Variants in NPIPB11 observed in about 807,000 individuals in gnomAD.
The protein encoded by NPIPB11 is nuclear pore complex interacting protein family member B11, also known as nuclear pore complex-interacting protein family member B11.
Under a neutral mutation model 32.8 loss-of-function variants are expected in NPIPB11, and 17 were observed. That is an observed-to-expected ratio of 0.52 (90% CI 0.35 to 0.78). The LOEUF is 0.78. NPIPB11 is among the 30% of genes least tolerant of loss of function. NPIPB11 has a pLI of 0.01. For missense variants in NPIPB11, 537 were observed against 1,000.4 expected, an observed-to-expected ratio of 0.54 and a Z score of 6.25; for synonymous variants, 209 against 398.4, an observed-to-expected ratio of 0.52 and a Z score of 5.66.
At chr16:29,399,165 T>C (rs989910633) in intron 2 of NPIPB11, among the ~76,000 whole-genome samples, 2 of 152,088 alleles carry the variant, frequency 1.3e-5, no homozygotes, top group Non-Finnish European at 2.9e-5. Context: ...AGACCCCCAC[T>C]GTCCATCACC....
intron 3 of NPIPB11, among the ~76,000 whole-genome samples, chr16:29,391,902 G>A (rs1256380428): frequency 6.6e-6 from 1 of 151,870 alleles, no homozygotes; most frequent in Non-Finnish European, 1.5e-5. Flanking sequence ...TGTCTTTTTA[G>A]TAGAGATGGG....
At chr16:29,394,416 T>TA (rs146216029) in intron 2 of NPIPB11, among the ~76,000 whole-genome samples, 10 of 140,390 alleles carry the variant, frequency 7.1e-5, no homozygotes, top group Admixed American at 1.5e-4. Context: ...GCTGATGATC[T>TA]AAAAAAAAAC....
At position 29,392,152 on chromosome 16, in the gene NPIPB11, G is replaced by A. The variant is rs62035600; in HGVS notation, c.249+1796C>T. Among the ~76,000 whole-genome samples, 70 of 151,976 alleles carry A rather than the reference G, an allele frequency of 4.6e-4. 1 individual carries two copies. The highest frequency in any genetic ancestry group is 9.8e-4 in the Admixed American group (15 of 15,260). On this transcript the variant is annotated intron_variant, in intron 3 of 7. Transcript: ENST00000524087. ...CTAAAAAGATGAAAAGAGCAACCACGTCAATCCCACAGCTACTGCTAGATT... is the reference window on the plus strand; with the variant it reads ...CTAAAAAGATGAAAAGAGCAACCACATCAATCCCACAGCTACTGCTAGATT...
intron 5 of NPIPB11, among the ~76,000 whole-genome samples, chr16:29,389,700 A>G (rs1460215765): frequency 3.2e-4 from 40 of 126,088 alleles, no homozygotes; most frequent in Admixed American, 5.5e-4. Flanking sequence ...AAAAAAAAAG[A>G]GAAAGGAAAA....
chr16:29,401,263 G>A (rs1465457267), intron 2 of NPIPB11, among the ~76,000 whole-genome samples: 1 of 152,030 alleles, frequency 6.6e-6, no homozygotes, highest in African/African-American at 2.4e-5. Flanking sequence ...TAAAATGTTG[G>A]AATTTTTACT....
At chr16:29,388,996 A>G (rs1234986316) in intron 5 of NPIPB11, among the ~76,000 whole-genome samples, 2 of 146,956 alleles carry the variant, frequency 1.4e-5, no homozygotes, top group African/African-American at 5.0e-5. Flanking sequence ...GGAGTTCTAG[A>G]CCAGCTTGGC....
intron 3 of NPIPB11, among the ~76,000 whole-genome samples, chr16:29,391,941 G>C (rs1963732266): frequency 1.3e-5 from 2 of 151,850 alleles, no homozygotes; most frequent in South Asian, 2.1e-4. Flanking sequence ...ATCTGGTCTT[G>C]AACTCCTGAC....
intron 5 of NPIPB11, among the ~76,000 whole-genome samples, chr16:29,389,365 A>AT (rs1213597296): frequency 1.1e-5 from 1 of 92,448 alleles, no homozygotes; most frequent in Admixed American, 1.1e-4. Flanking sequence ...CTATCTCAAA[A>AT]TTAAAAAAAA....
chr16:29,401,096 T>G (rs1963979278), intron 2 of NPIPB11, among the ~76,000 whole-genome samples: 1 of 151,664 alleles, frequency 6.6e-6, no homozygotes, highest in Admixed American at 6.6e-5. Context: ...TTTGGGAGAG[T>G]GTTTAGCACA....
At chr16:29,405,839 T>C (rs1964102201), upstream of NPIPB11, among the ~76,000 whole-genome samples, 1 of 152,218 alleles carries the variant, frequency 6.6e-6, no homozygotes, top group Non-Finnish European at 1.5e-5. Flanking sequence ...AATGGAGATA[T>C]GACCAAAGTA....
upstream of NPIPB11, among the ~76,000 whole-genome samples, chr16:29,404,575 G>T (rs1222486345): frequency 7.4e-6 from 1 of 134,372 alleles, no homozygotes; most frequent in Non-Finnish European, 1.6e-5. Flanking sequence ...AGTGCAACCA[G>T]GTGACCTTAG....
At chr16:29,392,215 G>A (rs1045387432) in intron 3 of NPIPB11, among the ~76,000 whole-genome samples, 2 of 152,158 alleles carry the variant, frequency 1.3e-5, no homozygotes, top group African/African-American at 4.8e-5. Flanking sequence ...GGAGCTAGGA[G>A]AAATGTCAAA....
chr16:29,399,920 T>C (rs1283561571), intron 2 of NPIPB11, among the ~76,000 whole-genome samples: 3 of 150,528 alleles, frequency 2.0e-5, no homozygotes, highest in Admixed American at 6.6e-5. Flanking sequence ...CTACTAAAAA[T>C]ACAAAAATTA....
chr16:29,402,740 GTGTGTGTGTGTGTGT>G (rs1964026036), intron 2 of NPIPB11, among the ~76,000 whole-genome samples: 1 of 145,540 alleles, frequency 6.9e-6, no homozygotes, highest in African/African-American at 2.8e-5. Context: ...GTGTGTGTGT[GTGTGTGTGTGTGTGT>G]GTGTGTGTGT....
At chr16:29,397,206 A>G (rs1382538553) in intron 2 of NPIPB11, among the ~76,000 whole-genome samples, 1 of 151,350 alleles carries the variant, frequency 6.6e-6, no homozygotes, top group Non-Finnish European at 1.5e-5. Flanking sequence ...GATGACACAA[A>G]TCAAATGACA....
intron 2 of NPIPB11, among the ~76,000 whole-genome samples, chr16:29,400,160 T>A (rs932331554): frequency 1.1e-4 from 16 of 150,696 alleles, no homozygotes; most frequent in Non-Finnish European, 1.8e-4. Flanking sequence ...GAAGTCAGAT[T>A]AGACCAAAAG....
At chr16:29,391,823 C>T (rs536676870) in intron 3 of NPIPB11, among the ~76,000 whole-genome samples, 8 of 152,110 alleles carry the variant, frequency 5.3e-5, no homozygotes, top group African/African-American at 1.7e-4. Context: ...CAGATTCAAG[C>T]GATTCTTGTG....
chr16:29,403,101 A>G (rs1964036600), intron 2 of NPIPB11, among the ~76,000 whole-genome samples: 2 of 140,920 alleles, frequency 1.4e-5, no homozygotes, highest in Non-Finnish European at 1.5e-5. Flanking sequence ...TTTTTTTGAC[A>G]GAGTCTCGCT....
chr16:29,397,441 A>T lies in NPIPB11; in HGVS notation c.121-3365T>A. On this transcript the variant is annotated intron_variant, in intron 2 of 7. Coordinates refer to ENST00000524087, the Ensembl canonical transcript of NPIPB11. The stretch of plus-strand genomic sequence containing the variant: ...GCCCTGGCTAGTCTTCAACGCCTGG[A>T]CTCAAGTGATCTGCCCACCTCGGCC... The T allele has an allele frequency of 1.7e-5, 17 of 993,756 alleles. No homozygotes were observed. In the South Asian group the frequency reaches 2.3e-4, roughly 13 times the overall value. The allele number at this position is 993,756 out of a possible 1,614,324, so 61.6% of individuals were successfully genotyped here.
Sources: gnomAD v4.1 joint callset for allele counts (sites outside exome capture counted in the v4.1 genomes callset) on GRCh38, gnomAD v4.1.1 for gene constraint, MANE v1.5 for transcripts, NCBI Gene and HGNC (gene_info 2026-07-23, HGNC 2026-07-21) for gene names.